Variants in ATF2 observed in about 807,000 individuals in gnomAD.
ATF2 encodes cyclic AMP-dependent transcription factor ATF-2.
ATF2 carries 24 observed loss-of-function variants against 60.6 expected under a neutral mutation model. That is an observed-to-expected ratio of 0.40 (90% CI 0.29 to 0.56). The LOEUF is 0.56. Among genes scored for constraint, ATF2 ranks in the 20% least tolerant of loss-of-function variants. ATF2 has a pLI of 0.54. For missense variants in ATF2, 433 were observed against 607.7 expected (o/e 0.71, Z 3.02); for synonymous variants, 206 against 215.4 (o/e 0.96, Z 0.38).
At chr2:175,111,447 TA>T in intron 10 of ATF2, 120 bp downstream of exon 10, 1 of 891,706 alleles carries the variant, frequency 1.1e-6, no homozygotes, top group Non-Finnish European at 1.7e-6. Flanking sequence ...ATCTATAGTA[TA>T]AAACAGTCCG....
intron 12 of ATF2, among the ~76,000 whole-genome samples, chr2:175,083,773 A>G (rs1249437648): frequency 6.6e-6 from 1 of 152,228 alleles, no homozygotes; most frequent in Non-Finnish European, 1.5e-5. Context: ...TCGAGAATCT[A>G]CAATGAACTC....
chr2:175,129,858 T>C (rs528478026), intron 4 of ATF2, among the ~76,000 whole-genome samples: 1 of 152,184 alleles, frequency 6.6e-6, no homozygotes, highest in South Asian at 2.1e-4. Context: ...AACAGTCAAA[T>C]TATACTTTTA....
At chr2:175,099,616 G>A (rs1462037761) in intron 10 of ATF2, among the ~76,000 whole-genome samples, 1 of 152,138 alleles carries the variant, frequency 6.6e-6, no homozygotes, top group Non-Finnish European at 1.5e-5. Context: ...ATAGCCTTTT[G>A]AATCTGGCTT....
At chr2:175,137,524 A>C (rs989760469) in intron 2 of ATF2, among the ~76,000 whole-genome samples, 1 of 152,178 alleles carries the variant, frequency 6.6e-6, no homozygotes. Context: ...CTATACACAG[A>C]CACAAAGATG....
At chr2:175,085,563 C>T (rs202196807) in intron 12 of ATF2, among the ~76,000 whole-genome samples, 1 of 103,458 alleles carries the variant, frequency 9.7e-6, no homozygotes, top group Non-Finnish European at 2.3e-5. Context: ...TACACACACA[C>T]ACACACACAC....
At chr2:175,107,093 C>G (rs911744613) in intron 10 of ATF2, among the ~76,000 whole-genome samples, 1 of 152,154 alleles carries the variant, frequency 6.6e-6, no homozygotes, top group Non-Finnish European at 1.5e-5. Flanking sequence ...CCACAACACT[C>G]CAGCCTGAGT....
chr2:175,161,763 C>CT (rs10710666), intron 1 of ATF2, among the ~76,000 whole-genome samples: 52 of 134,610 alleles, frequency 3.9e-4, no homozygotes, highest in African/African-American at 1.1e-3. Flanking sequence ...GAAAGTAACT[C>CT]TTTTTTTTTT....
At chr2:175,076,110 A>G (rs903335167) in intron 13 of ATF2, among the ~76,000 whole-genome samples, 1 of 152,192 alleles carries the variant, frequency 6.6e-6, no homozygotes, top group Non-Finnish European at 1.5e-5. Flanking sequence ...AATGTAGAAG[A>G]TGGAGAGGGG....
chr2:175,094,114 C>T (rs559298579), intron 11 of ATF2, among the ~76,000 whole-genome samples: 2 of 152,126 alleles, frequency 1.3e-5, no homozygotes, highest in South Asian at 2.1e-4. Flanking sequence ...AACTCTTGGC[C>T]GGGCGTGGTG....
At chr2:175,124,640 T>C (rs1697196134) in intron 4 of ATF2, among the ~76,000 whole-genome samples, 1 of 151,876 alleles carries the variant, frequency 6.6e-6, no homozygotes, top group Non-Finnish European at 1.5e-5. Flanking sequence ...AGCAGGAAGT[T>C]ACACTGATAT....
chr2:175,072,738 T>C lies in ATF2; in HGVS notation c.*1871A>G, dbSNP rs551678938. 1 of 152,238 alleles carries C rather than the reference T, an allele frequency of 6.6e-6. No homozygotes were observed. Among genetic ancestry groups the C allele is most frequent in the South Asian group, 2.1e-4 (1 of 4,830 alleles). The allele number at this position is 152,238 out of a possible 1,614,324, so 9.4% of individuals were successfully genotyped here. A position where few individuals can be genotyped will look rare whatever the true frequency, so the allele number is the denominator to read the frequency against. On this transcript the variant is annotated 3_prime_UTR_variant, in exon 14 of 14. Transcript: ENST00000264110. ...AGAATAATGATATCAAAATCATGATTTGAAAAACTGATTACTTTAAAATAA... is the reference window on the plus strand; with the variant it reads ...AGAATAATGATATCAAAATCATGATCTGAAAAACTGATTACTTTAAAATAA...
At chr2:175,120,759 G>A (rs1014770801) in intron 5 of ATF2, among the ~76,000 whole-genome samples, 5 of 151,392 alleles carry the variant, frequency 3.3e-5, no homozygotes, top group Non-Finnish European at 5.9e-5. Context: ...AATTATACAT[G>A]ACATATATGT....
intron 2 of ATF2, among the ~76,000 whole-genome samples, chr2:175,143,435 C>T (rs1435798799): frequency 2.6e-5 from 4 of 152,034 alleles, no homozygotes; most frequent in Non-Finnish European, 5.9e-5. Context: ...TATTAATGGG[C>T]TTTTATCATC....
intron 3 of ATF2, among the ~76,000 whole-genome samples, chr2:175,134,896 C>A (rs953001678): frequency 1.3e-5 from 2 of 150,114 alleles, no homozygotes; most frequent in Non-Finnish European, 1.5e-5. Flanking sequence ...CCCAGCTACT[C>A]TGGAGGCTGA....
chr2:175,081,211 C>G (rs1164542819), intron 12 of ATF2, among the ~76,000 whole-genome samples: 3 of 151,916 alleles, frequency 2.0e-5, no homozygotes, highest in African/African-American at 7.3e-5. Context: ...TCCTAGAAAC[C>G]AAGAAAAGCT....
intron 1 of ATF2, among the ~76,000 whole-genome samples, chr2:175,159,203 C>T (rs1699868218): frequency 6.6e-6 from 1 of 151,954 alleles, no homozygotes. Flanking sequence ...ACTATAGTTC[C>T]AGCTGCTCAA....
chr2:175,106,758 C>T (rs1324659941), intron 10 of ATF2, among the ~76,000 whole-genome samples: 2 of 152,158 alleles, frequency 1.3e-5, no homozygotes, highest in Non-Finnish European at 2.9e-5. Context: ...ACTGCGTGAA[C>T]CCTGGAGGCA....
intron 3 of ATF2, among the ~76,000 whole-genome samples, chr2:175,135,998 CT>C (rs1357867707): frequency 6.7e-6 from 1 of 148,386 alleles, no homozygotes; most frequent in Non-Finnish European, 1.5e-5. Context: ...CTAAAATATA[CT>C]TTTCTTTCTT....
intron 10 of ATF2, among the ~76,000 whole-genome samples, chr2:175,109,592 A>T (rs185599383): frequency 4.6e-5 from 7 of 152,370 alleles, no homozygotes; most frequent in Admixed American, 4.6e-4. Context: ...GGTATTTCTT[A>T]AAACTGGATT....
Sources: gnomAD v4.1 joint callset for allele counts (sites outside exome capture counted in the v4.1 genomes callset) on GRCh38, gnomAD v4.1.1 for gene constraint, MANE v1.5 for transcripts, NCBI Gene and HGNC (gene_info 2026-07-23, HGNC 2026-07-21) for gene names.